Variants in CERS3 observed in about 807,000 individuals in gnomAD.
The protein encoded by CERS3 is LAG1 homolog, ceramide synthase 3.
A neutral mutation model predicts 50.3 loss-of-function variants in CERS3; 33 were observed. The ratio of observed to expected loss-of-function variants is 0.66; its 90% CI spans 0.50 to 0.88. The LOEUF is 0.88. CERS3 is among the 40% of genes least tolerant of loss of function. The pLI is 0.00. For synonymous variants in CERS3, 176 were observed against 155.2 expected, an observed-to-expected ratio of 1.13 and a Z score of -0.99; for missense variants, 470 against 460.3, an observed-to-expected ratio of 1.02 and a Z score of -0.19.
At chr15:100,518,303 G>C (rs76307453) in intron 2 of CERS3, among the ~76,000 whole-genome samples, 3,433 of 152,272 alleles carry the variant, frequency 0.023, 148 homozygotes, top group African/African-American at 0.078. Flanking sequence ...GACACACACA[G>C]AGAGTGAGAG....
chr15:100,471,325 C>T (rs1257498417), intron 9 of CERS3, among the ~76,000 whole-genome samples: 1 of 151,932 alleles, frequency 6.6e-6, no homozygotes, highest in African/African-American at 2.4e-5. Flanking sequence ...GATATGAATT[C>T]TCATGTTACA....
chr15:100,493,670 T>C (rs994165927), intron 3 of CERS3, among the ~76,000 whole-genome samples: 28 of 152,186 alleles, frequency 1.8e-4, no homozygotes, highest in African/African-American at 6.5e-4. Flanking sequence ...ATGTGTATGT[T>C]GGTATTCAAG....
chr15:100,439,359 T>C (rs547290699), intron 11 of CERS3, among the ~76,000 whole-genome samples: 1 of 152,346 alleles, frequency 6.6e-6, no homozygotes, highest in South Asian at 2.1e-4. Flanking sequence ...TACATTATTT[T>C]GTAACTTGCT....
intron 2 of CERS3, among the ~76,000 whole-genome samples, chr15:100,508,406 A>G (rs148771500): frequency 6.6e-6 from 1 of 152,318 alleles, no homozygotes; most frequent in East Asian, 1.9e-4. Flanking sequence ...TATCACCTAT[A>G]CTGTCAGTAG....
Position 100,402,780 on chromosome 15 carries a change from A to G in CERS3, c.1085T>C (p.Met362Thr). The change falls in exon 12 of 12, where the codon ATG becomes ACG. Residue 362 changes from methionine to threonine, a missense_variant. Physicochemically the swap from Met to Thr is moderately conservative, Grantham distance 81. Coordinates refer to ENST00000679737, the MANE Select transcript of CERS3 (RefSeq NM_001378789.1). Reference sequence around the variant, plus strand: ...CCTGAGGCCGTTCTTTAAACAATCCATCTCTTTGCCTTTGGTAGCCTCTTC... The same window carrying G: ...CCTGAGGCCGTTCTTTAAACAATCCGTCTCTTTGCCTTTGGTAGCCTCTTC... Reference protein sequence around the residue: ...EEEEATKGKEMDCLKNGLRAE... With the variant: ...EEEEATKGKETDCLKNGLRAE... 1 of 1,614,090 alleles carries G rather than the reference A, an allele frequency of 6.2e-7. No homozygotes were observed.
At chr15:100,525,986 G>A (rs542681830) in intron 1 of CERS3, among the ~76,000 whole-genome samples, 9 of 152,294 alleles carry the variant, frequency 5.9e-5, no homozygotes, top group South Asian at 4.1e-4. Flanking sequence ...TCGTTGTATT[G>A]TGTGTTGAGG....
chr15:100,408,282 C>T (rs73470752), intron 11 of CERS3, among the ~76,000 whole-genome samples: 6,683 of 152,218 alleles, frequency 0.044, 256 homozygotes, highest in African/African-American at 0.098. Context: ...CGTTTGGAAA[C>T]TCATAATTCC....
intron 11 of CERS3, among the ~76,000 whole-genome samples, chr15:100,445,646 C>T (rs2033902983): frequency 6.6e-6 from 1 of 152,186 alleles, no homozygotes; most frequent in Admixed American, 6.5e-5. Context: ...TTAATCTCTC[C>T]CACTCTAGGT....
intron 4 of CERS3, among the ~76,000 whole-genome samples, chr15:100,489,255 T>G (rs2035580015): frequency 6.6e-6 from 1 of 152,238 alleles, no homozygotes; most frequent in African/African-American, 2.4e-5. Flanking sequence ...GTCACTGGAC[T>G]GGAAGTATGG....
At chr15:100,541,776 G>A (rs1401030333) in intron 1 of CERS3, among the ~76,000 whole-genome samples, 1 of 152,078 alleles carries the variant, frequency 6.6e-6, no homozygotes, top group Non-Finnish European at 1.5e-5. Flanking sequence ...CTAAAAAGTA[G>A]TAACATGTCA....
chr15:100,539,173 C>T (rs2142434178), intron 1 of CERS3, among the ~76,000 whole-genome samples: 1 of 152,300 alleles, frequency 6.6e-6, no homozygotes, highest in South Asian at 2.1e-4. Context: ...TTATTGTCCA[C>T]ATCACTATTA....
intron 11 of CERS3, among the ~76,000 whole-genome samples, chr15:100,419,059 A>C (rs2032196371): frequency 1.7e-5 from 2 of 117,584 alleles, no homozygotes; most frequent in Non-Finnish European, 3.7e-5. Context: ...TCATAATGAC[A>C]GGATCAAATT....
chr15:100,543,131 C>T (rs1158445897), intron 1 of CERS3, among the ~76,000 whole-genome samples: 5 of 152,096 alleles, frequency 3.3e-5, no homozygotes, highest in Admixed American at 1.3e-4. Context: ...AGGCTGGTCT[C>T]GAACTCCTGA....
intron 11 of CERS3, among the ~76,000 whole-genome samples, chr15:100,435,327 T>C (rs1451361189): frequency 6.6e-6 from 1 of 152,172 alleles, no homozygotes. Flanking sequence ...GGTCTGCTGT[T>C]GGAAACAGAT....
At chr15:100,466,804 C>CCT (rs1367117405) in intron 10 of CERS3, among the ~76,000 whole-genome samples, 287 of 11,450 alleles carry the variant, frequency 0.025, 8 homozygotes, top group African/African-American at 0.035. Context: ...TCCCTCCCTC[C>CCT]CTCCCTCCCT....
At chr15:100,473,621 G>A (rs1457724840) in intron 8 of CERS3, among the ~76,000 whole-genome samples, 2 of 152,268 alleles carry the variant, frequency 1.3e-5, no homozygotes, top group African/African-American at 4.8e-5. Context: ...CCACTAGGAT[G>A]GCTATAATAA....
At chr15:100,427,674 T>C (rs1172757999) in intron 11 of CERS3, among the ~76,000 whole-genome samples, 5 of 152,316 alleles carry the variant, frequency 3.3e-5, no homozygotes, top group Admixed American at 2.6e-4. Flanking sequence ...GTGATGAAGA[T>C]TGGGAAGTAC....
rs540343705 is a variant in CERS3, at chr15:100,476,986, G to A, written c.517-808C>T. The stretch of plus-strand genomic sequence containing the variant: ...AAAGAAGAGAATCAAGGTGCTGATC[G>A]CCAATGCTATGAATGACGTCACCAT... On this transcript the variant is annotated intron_variant, in intron 7 of 11. Coordinates refer to ENST00000679737, the MANE Select transcript of CERS3 (RefSeq NM_001378789.1). Among the ~76,000 whole-genome samples, 7 of 152,260 alleles carry A rather than the reference G, an allele frequency of 4.6e-5. No individual in the cohort carries two copies. The East Asian group carries it at 9.7e-4, about 21-fold the overall frequency.
At chr15:100,530,357 C>T (rs983479035), upstream of CERS3, among the ~76,000 whole-genome samples, 5 of 152,226 alleles carry the variant, frequency 3.3e-5, no homozygotes, top group Non-Finnish European at 5.9e-5. Flanking sequence ...ATGGCCTGCT[C>T]GCAACCTGCT....
Sources: allele counts gnomAD v4.1 joint callset (sites outside exome capture counted in the v4.1 genomes callset), GRCh38; gene constraint gnomAD v4.1.1; transcripts MANE v1.5; gene names NCBI Gene and HGNC (gene_info 2026-07-23, HGNC 2026-07-21).